Variants in PCDHGA5 observed in about 807,000 individuals in gnomAD.
The protein encoded by PCDHGA5 is protocadherin gamma subfamily A, 5.
Under a neutral mutation model 56.7 loss-of-function variants are expected in PCDHGA5, and 36 were observed. The observed-to-expected ratio is 0.64, with a 90% confidence interval of 0.49 to 0.84. The LOEUF (loss-of-function observed/expected upper bound fraction) is 0.84. Among genes scored for constraint, PCDHGA5 ranks in the 40% least tolerant of loss-of-function variants. The pLI is 0.00. For synonymous variants in PCDHGA5, 563 were observed against 520.2 expected, an observed-to-expected ratio of 1.08 and a Z score of -1.12; for missense variants, 1,305 against 1,201.5, an observed-to-expected ratio of 1.09 and a Z score of -1.27.
At chr5:141,395,346 T>C in intron 1 of PCDHGA5, 1 of 1,396,344 alleles carries the variant, frequency 7.2e-7, no homozygotes. Context: ...TTAAGGTGTA[T>C]CACAGAGTTT....
At chr5:141,394,789 C>A (rs747304715) in intron 1 of PCDHGA5, 1 of 1,613,728 alleles carries the variant, frequency 6.2e-7, no homozygotes, top group South Asian at 1.1e-5. Context: ...GCCACTGTCA[C>A]GCTCACCGTA....
intron 1 of PCDHGA5, among the ~76,000 whole-genome samples, chr5:141,438,587 C>CAT (rs1372372472): frequency 1.4e-4 from 10 of 73,396 alleles, no homozygotes; most frequent in East Asian, 3.8e-4. Context: ...TACATACATA[C>CAT]ATACATATAT....
At chr5:141,415,569 A>G (rs962518094) in intron 1 of PCDHGA5, 12 of 1,614,092 alleles carry the variant, frequency 7.4e-6, no homozygotes, top group Non-Finnish European at 1.0e-5. Flanking sequence ...TGTCTTTGTT[A>G]GATGATTCGA....
chr5:141,388,237 A>G, intron 1 of PCDHGA5: 3 of 1,607,818 alleles, frequency 1.9e-6, no homozygotes, highest in Non-Finnish European at 2.6e-6. Context: ...AACTTTTATC[A>G]CGTGAATGTG....
intron 1 of PCDHGA5, chr5:141,471,433 T>C (rs2099257619): frequency 6.6e-6 from 1 of 152,162 alleles, no homozygotes; most frequent in African/African-American, 2.4e-5. Flanking sequence ...GGAAAGTGTA[T>C]AATCTCATGT....
At position 141,511,426 on chromosome 5, in the gene PCDHGA5, G is replaced by C. The variant is rs2099883789; in HGVS notation, c.*253G>C. 2.5e-6 allele frequency: 2 copies of C among 798,652 alleles called. No homozygotes were observed. The highest frequency in any genetic ancestry group is 3.8e-6 in the Non-Finnish European group (2 of 529,972). 49.5% of individuals were successfully genotyped at this position (798,652 alleles called of 1,614,324 possible). ...CAACTGCTGTACCCATGGGGGTAGTGGGGTTACTGTAGACACCAAGAACCA... is the reference window on the plus strand; with the variant it reads ...CAACTGCTGTACCCATGGGGGTAGTCGGGTTACTGTAGACACCAAGAACCA... On this transcript the variant is annotated 3_prime_UTR_variant, in exon 4 of 4. Transcript: ENST00000518069.
chr5:141,415,740 GT>G (rs57426385), intron 1 of PCDHGA5: 12,894 of 617,008 alleles, frequency 0.021, 1 homozygote, highest in South Asian at 0.027. Flanking sequence ...GTTTATTAAG[GT>G]TTTTTTTTTT....
At chr5:141,372,484 C>T (rs1161994695) in intron 1 of PCDHGA5, 1 of 1,614,060 alleles carries the variant, frequency 6.2e-7, no homozygotes, top group Non-Finnish European at 8.5e-7. Context: ...GTGGCGTTGG[C>T]CTTGATCTCA....
intron 1 of PCDHGA5, 72 bp from the exon 2 acceptor site, chr5:141,494,735 A>C: frequency 6.2e-7 from 1 of 1,610,712 alleles, no homozygotes; most frequent in Middle Eastern, 1.7e-4. Context: ...CTCCCGGCCC[A>C]TCCCTAGGGG....
chr5:141,382,186 T>G (rs896758285), intron 1 of PCDHGA5, among the ~76,000 whole-genome samples: 14 of 152,310 alleles, frequency 9.2e-5, no homozygotes, highest in Admixed American at 5.9e-4. Context: ...TAAGGTTCTA[T>G]ACAATCAAAA....
intron 2 of PCDHGA5, among the ~76,000 whole-genome samples, chr5:141,502,866 C>CTTTTTT (rs549047197): frequency 2.0e-4 from 26 of 128,026 alleles, no homozygotes; most frequent in African/African-American, 6.2e-4. Flanking sequence ...GACTCTCTGT[C>CTTTTTT]TTTTTTTTTT....
intron 1 of PCDHGA5, among the ~76,000 whole-genome samples, chr5:141,453,673 AC>A (rs1459216908): frequency 6.6e-6 from 1 of 152,230 alleles, no homozygotes; most frequent in African/African-American, 2.4e-5. Flanking sequence ...ACAAAAGGTA[AC>A]ACACTATGTA....
intron 1 of PCDHGA5, chr5:141,404,176 A>G (rs763166170): frequency 7.4e-6 from 12 of 1,613,206 alleles, no homozygotes; most frequent in South Asian, 2.2e-5. Context: ...TGACGGCCCA[A>G]ATTCTTGACC....
At chr5:141,387,676 G>A (rs1218377613) in intron 1 of PCDHGA5, 7 of 732,116 alleles carry the variant, frequency 9.6e-6, no homozygotes, top group Non-Finnish European at 1.5e-5. Flanking sequence ...AGATCTCCTC[G>A]CGCAGCCGCA....
At chr5:141,389,036 G>A in intron 1 of PCDHGA5, 1 of 1,613,928 alleles carries the variant, frequency 6.2e-7, no homozygotes, top group Non-Finnish European at 8.5e-7. Flanking sequence ...CTTGTAAATT[G>A]GAAGGTGATG....
intron 1 of PCDHGA5, chr5:141,422,919 G>A (rs1445179310): frequency 3.7e-6 from 6 of 1,614,238 alleles, no homozygotes; most frequent in Non-Finnish European, 5.1e-6. Flanking sequence ...CCGAGATCCT[G>A]TACCCTGCCC....
chr5:141,391,354 T>C (rs1345659874), intron 1 of PCDHGA5: 3 of 150,784 alleles, frequency 2.0e-5, no homozygotes, highest in Non-Finnish European at 3.0e-5. Flanking sequence ...TGTCTGTTAC[T>C]CAGGCTGTAG....
rs372460685 is a variant in PCDHGA5 at position 141,365,741 on chromosome 5, A to G, written c.1411A>G (p.Ile471Val). 63 of 1,613,506 alleles carry G rather than the reference A, an allele frequency of 3.9e-5. No individual in the cohort carries two copies. In the Middle Eastern group the frequency reaches 1.6e-3, roughly 42 times the overall value. The change falls in exon 1 of 4, where the codon ATC (isoleucine) becomes GTC (valine). Residue 471 changes from isoleucine (I) to valine (V), a missense_variant. Coordinates refer to ENST00000518069, the MANE Select transcript of PCDHGA5 (RefSeq NM_018918.3). ...AGAAAACAATCCCAGAGGTGTCTCT[A>G]TCTTCTCTGTGACAGCCCATGACCC... ...VTENNPRGVS[I>V]FSVTAHDPDS...
At position 141,489,185 on chromosome 5, in the gene PCDHGA5, T is replaced by TCTA; in HGVS notation, c.2422-5620_2422-5618dup. Reference sequence around the variant, plus strand: ...CAGCTGCTGCATTCCAAGCCCTGGGTCTACCTTGGAGACAGGACAGCACAG... The same window carrying TCTA: ...CAGCTGCTGCATTCCAAGCCCTGGGTCTACTACCTTGGAGACAGGACAGCACAG... On this transcript the variant is annotated intron_variant, in intron 1 of 3. Coordinates refer to ENST00000518069, the MANE Select transcript of PCDHGA5 (RefSeq NM_018918.3). This position sits in a 1 kb window ranked among gnomAD's most constrained non-coding sequence, Gnocchi z 4.5. 7.8e-7 allele frequency: 1 copy of TCTA among 1,286,838 alleles called. No homozygotes were observed. The highest frequency in any genetic ancestry group is 1.5e-5 in the South Asian group (1 of 65,798). The allele number at this position is 1,286,838 out of a possible 1,614,324, so 79.7% of individuals were successfully genotyped here.
Sources: allele counts gnomAD v4.1 joint callset (sites outside exome capture counted in the v4.1 genomes callset), GRCh38; gene constraint gnomAD v4.1.1; non-coding constraint Gnocchi (gnomAD v3.1); transcripts MANE v1.5; gene names NCBI Gene and HGNC (gene_info 2026-07-23, HGNC 2026-07-21).